Variants in STK24 observed in about 807,000 individuals in gnomAD.
STK24 encodes the protein serine/threonine-protein kinase 24.
STK24 carries 21 observed loss-of-function variants against 55.6 expected under a neutral mutation model. The observed-to-expected ratio is 0.38, with a 90% CI of 0.27 to 0.54. The LOEUF is 0.54. Among genes scored for constraint, STK24 ranks in the 20% least tolerant of loss-of-function variants. STK24 has a pLI of 0.79. For synonymous variants in STK24, 200 were observed against 215.2 expected (o/e 0.93, Z 0.62); for missense variants, 383 against 538.4 (o/e 0.71, Z 2.86).
chr13:98,559,842 T>C (rs1482291239), intron 1 of STK24, among the ~76,000 whole-genome samples: 1 of 149,980 alleles, frequency 6.7e-6, no homozygotes, highest in Non-Finnish European at 1.5e-5. Flanking sequence ...CTCATATCAC[T>C]GAAAGGAAAA....
intron 1 of STK24, among the ~76,000 whole-genome samples, chr13:98,524,146 G>A (rs535132419): frequency 1.1e-3 from 163 of 152,294 alleles, no homozygotes; most frequent in Admixed American, 5.9e-3. Flanking sequence ...TCTTGCATGT[G>A]TGAGGGGCAT....
rs1388007185 is a variant in STK24 at position 98,466,407 on chromosome 13, A to G, written c.752T>C (p.Val251Ala). 1.2e-6 allele frequency: 2 copies of G among 1,612,720 alleles called. No individual in the cohort carries two copies. The highest frequency in any genetic ancestry group is 1.3e-5 in the African/African-American group (1 of 74,886). Residue 251 changes from valine to alanine, a missense_variant, in exon 6 of 11, where the codon GTG becomes GCG. Physicochemically the swap from Val to Ala is moderately conservative, Grantham distance 64. Transcript: ENST00000539966. ...GNYSKPLKEF[V>A]EACLNKEPSF... is the part of the protein sequence containing the mutation. ...CGGCTCCTTATTCAAACAGGCCTCC[A>G]CAAACTCCTTGAGGGGTTTACTGTA...
At chr13:98,560,383 C>T (rs1897387890) in intron 1 of STK24, among the ~76,000 whole-genome samples, 1 of 152,176 alleles carries the variant, frequency 6.6e-6, no homozygotes, top group Non-Finnish European at 1.5e-5. Flanking sequence ...TGCTGAAAAG[C>T]AGACTGGTCC....
At chr13:98,497,063 C>T (rs1462838809) in intron 2 of STK24, among the ~76,000 whole-genome samples, 1 of 152,190 alleles carries the variant, frequency 6.6e-6, no homozygotes, top group Non-Finnish European at 1.5e-5. Flanking sequence ...CTGGCAGAGG[C>T]TAGGTGCCCA....
In STK24 at chr13:98,576,859, C is replaced by T. The variant is rs1003265765; in HGVS notation, c.-73G>A. On this transcript the variant is annotated 5_prime_UTR_variant, in exon 1 of 11. Transcript: ENST00000539966. ...GATCCGCGCGGGGCGGCGAGGCCCGCGGGCCGCGCGCAGCCCTCGGGCGGC... is the reference window on the plus strand; with the variant it reads ...GATCCGCGCGGGGCGGCGAGGCCCGTGGGCCGCGCGCAGCCCTCGGGCGGC... The T allele has an allele frequency of 1.7e-5, 17 of 972,344 alleles. No homozygotes were observed. The African/African-American group carries it at 2.9e-4, about 16-fold the overall frequency. The allele number at this position is 972,344 out of a possible 1,614,324, so 60.2% of individuals were successfully genotyped here.
chr13:98,446,762 C>T lies in STK24; in HGVS notation c.*6411G>A. On this transcript the variant is annotated 3_prime_UTR_variant, in exon 11 of 11. Transcript: ENST00000539966. The stretch of plus-strand genomic sequence containing the variant: ...CCAGAAAGACTACGTGTTCAAGCTG[C>T]ACTTCAAGTCCCACGTCTACTACTT... The T allele has an allele frequency of 1.2e-6, 2 of 1,614,186 alleles. No homozygotes were observed.
chr13:98,493,811 A>C (rs945948008), intron 2 of STK24, among the ~76,000 whole-genome samples: 1 of 151,916 alleles, frequency 6.6e-6, no homozygotes, highest in African/African-American at 2.4e-5. Context: ...GAAAGAATAA[A>C]GACTTAACGG....
In STK24 at chr13:98,446,187, C is replaced by T. The variant is rs752812700; in HGVS notation, c.*6986G>A. 1.2e-6 allele frequency: 2 copies of T among 1,612,616 alleles called. No homozygotes were observed. Among genetic ancestry groups the T allele is most frequent in the South Asian group, 2.2e-5 (2 of 90,976 alleles). On this transcript the variant is annotated 3_prime_UTR_variant, in exon 11 of 11. Transcript: ENST00000539966. ...TGGTGTTCACAAACTTCTGCCTGTT[C>T]TTCTACAAATCACACCAGGTAAGTG... is the stretch of plus-strand genomic sequence containing the variant.
intron 2 of STK24, among the ~76,000 whole-genome samples, chr13:98,507,237 G>GA (rs1177440079): frequency 3.9e-5 from 6 of 152,254 alleles, no homozygotes. Flanking sequence ...AAATGGGGGA[G>GA]AAGTACTTAA....
chr13:98,526,469 C>T (rs1896433366), intron 1 of STK24, among the ~76,000 whole-genome samples: 1 of 152,090 alleles, frequency 6.6e-6, no homozygotes, highest in African/African-American at 2.4e-5. Flanking sequence ...GCAAACTGAG[C>T]AGAAGAGATA....
chr13:98,459,912 G>A (rs145423274), intron 9 of STK24, among the ~76,000 whole-genome samples: 59 of 152,338 alleles, frequency 3.9e-4, no homozygotes, highest in Admixed American at 1.2e-3. Context: ...GGGAGTGGGC[G>A]TGGGGAGGCC....
At chr13:98,453,332 G>T in intron 10 of STK24, 123 bp from the exon 11 acceptor site, 1 of 950,956 alleles carries the variant, frequency 1.1e-6, no homozygotes. Context: ...AATAAGTGGA[G>T]CAAATATCAA....
chr13:98,502,913 AAAAGGAAAC>A (rs961862758), intron 2 of STK24, among the ~76,000 whole-genome samples: 2 of 152,130 alleles, frequency 1.3e-5, no homozygotes, highest in Non-Finnish European at 2.9e-5. Flanking sequence ...TACAATTTTA[AAAAGGAAAC>A]ACCTGAGAGG....
chr13:98,466,534 C>G lies in STK24; in HGVS notation c.625G>C (p.Ala209Pro). ...KADIWSLGITAIELARGEPPH... is the reference protein window; with the variant it reads ...KADIWSLGITPIELARGEPPH... ...GGTTCCCCTCTTGCAAGTTCAATAGCTGTTATGCCCAGGGACCAGATGTCT... is the reference window on the plus strand; with the variant it reads ...GGTTCCCCTCTTGCAAGTTCAATAGGTGTTATGCCCAGGGACCAGATGTCT... Residue 209 changes from alanine to proline, a missense_variant, in exon 6 of 11, where the codon GCT becomes CCT. Physicochemically the swap from Ala to Pro is conservative, Grantham distance 27. Coordinates refer to ENST00000539966, the MANE Select transcript of STK24 (RefSeq NM_001032296.4). 1 of 1,614,050 alleles carries G rather than the reference C, an allele frequency of 6.2e-7. No homozygotes were observed. Among genetic ancestry groups the G allele is most frequent in the Non-Finnish European group, 8.5e-7 (1 of 1,180,034 alleles).
At chr13:98,530,759 C>T (rs1298779831) in intron 1 of STK24, among the ~76,000 whole-genome samples, 1 of 152,150 alleles carries the variant, frequency 6.6e-6, no homozygotes, top group Non-Finnish European at 1.5e-5. Context: ...TCAAACCTGC[C>T]GGCAACGTGG....
At position 98,576,885 on chromosome 13, in the gene STK24, G is replaced by T; in HGVS notation, c.-99C>A. The T allele has an allele frequency of 1.3e-6, 1 of 796,240 alleles. No individual in the cohort carries two copies. Among genetic ancestry groups the T allele is most frequent in the Non-Finnish European group, 1.5e-6 (1 of 659,948 alleles). The allele number at this position is 796,240 out of a possible 1,614,324, so 49.3% of individuals were successfully genotyped here. A position where few individuals can be genotyped will look rare whatever the true frequency, so the allele number is the denominator to read the frequency against. ...GGGCCGCGCGCAGCCCTCGGGCGGC[G>T]GGGCCGGCCGGAGCCCGAGGCCACC... On this transcript the variant is annotated 5_prime_UTR_variant, in exon 1 of 11. Coordinates refer to ENST00000539966, the MANE Select transcript of STK24 (RefSeq NM_001032296.4).
At chr13:98,484,631 A>G (rs532791351) in intron 2 of STK24, among the ~76,000 whole-genome samples, 1 of 152,238 alleles carries the variant, frequency 6.6e-6, no homozygotes, top group East Asian at 1.9e-4. Flanking sequence ...TGCTCTCTCA[A>G]TCTGACCACG....
intron 2 of STK24, among the ~76,000 whole-genome samples, chr13:98,491,940 A>G (rs1053705383): frequency 5.3e-5 from 8 of 152,212 alleles, no homozygotes; most frequent in Non-Finnish European, 1.2e-4. Context: ...AAATTTTACA[A>G]TAGTAAATTT....
At position 98,466,488 on chromosome 13, in the gene STK24, G is replaced by A; in HGVS notation, c.671C>T (p.Pro224Leu). ...RGEPPHSELH[P>L]MKVLFLIPKN... ...TGGAATGAGGAATAAAACTTTCATG[G>A]GGTGCAGCTCGGAATGAGGTGGTTC... Residue 224 changes from proline (P) to leucine (L), a missense_variant, in exon 6 of 11, where the codon CCC becomes CTC. Physicochemically the swap from Pro to Leu is moderately conservative, Grantham distance 98 (BLOSUM62 -3). Transcript: ENST00000539966. 1.2e-6 allele frequency: 2 copies of A among 1,614,118 alleles called. No individual in the cohort carries two copies. Among genetic ancestry groups the A allele is most frequent in the Non-Finnish European group, 1.7e-6 (2 of 1,180,038 alleles).
Sources: allele counts gnomAD v4.1 joint callset (sites outside exome capture counted in the v4.1 genomes callset), GRCh38; gene constraint gnomAD v4.1.1; transcripts MANE v1.5; gene names NCBI Gene and HGNC (gene_info 2026-07-23, HGNC 2026-07-21).